NUDCD1: variants seen among roughly 807,000 people sequenced by gnomAD.
NUDCD1 encodes the protein NudC domain containing 1.
A neutral mutation model predicts 67.8 loss-of-function variants in NUDCD1; 60 were observed. That is an observed-to-expected ratio of 0.88 (90% CI 0.72 to 1.10). NUDCD1 has a LOEUF of 1.10. Among genes scored for constraint, NUDCD1 ranks in the 50% least tolerant of loss-of-function variants. NUDCD1 has a pLI of 0.00. For missense variants in NUDCD1, 643 were observed against 695.0 expected, an observed-to-expected ratio of 0.93 and a Z score of 0.84; for synonymous variants, 244 against 230.8, an observed-to-expected ratio of 1.06 and a Z score of -0.52.
intron 2 of NUDCD1, among the ~76,000 whole-genome samples, chr8:109,321,556 A>G (rs1815537765): frequency 6.6e-6 from 1 of 152,122 alleles, no homozygotes; most frequent in Non-Finnish European, 1.5e-5. Flanking sequence ...CTCCTGCAAA[A>G]AAGTAGGAAC....
chr8:109,311,556 G>GATATATATATAT (rs1563681331), intron 2 of NUDCD1, among the ~76,000 whole-genome samples: 1 of 53,974 alleles, frequency 1.9e-5, no homozygotes, highest in African/African-American at 1.3e-4. Context: ...AAGAAACTGT[G>GATATATATATAT]GTGTATATAT....
At chr8:109,267,721 T>C (rs932848933) in intron 8 of NUDCD1, among the ~76,000 whole-genome samples, 2 of 152,244 alleles carry the variant, frequency 1.3e-5, no homozygotes, top group Admixed American at 1.3e-4. Context: ...AAACAGTATG[T>C]ACAAAATACT....
In NUDCD1 at chr8:109,241,757, G is replaced by A. The variant is rs1813371104; in HGVS notation, c.*1252C>T. ...TTGAGTCAAATACTTGCCCAGACAGGCAAAAGATATGTTAGGAACAAAGCT... is the reference window on the plus strand; with the variant it reads ...TTGAGTCAAATACTTGCCCAGACAGACAAAAGATATGTTAGGAACAAAGCT... On this transcript the variant is annotated 3_prime_UTR_variant, in exon 10 of 10. Coordinates refer to ENST00000239690, the MANE Select transcript of NUDCD1 (RefSeq NM_032869.4). The A allele has an allele frequency of 8.8e-6, 2 of 227,770 alleles. No individual in the cohort carries two copies. Among genetic ancestry groups the A allele is most frequent in the Non-Finnish European group, 1.7e-5 (2 of 118,754 alleles). 14.1% of individuals were successfully genotyped at this position (227,770 alleles called of 1,614,324 possible).
chr8:109,269,458 G>C (rs1392672592), intron 8 of NUDCD1, among the ~76,000 whole-genome samples: 1 of 152,146 alleles, frequency 6.6e-6, no homozygotes, highest in Non-Finnish European at 1.5e-5. Flanking sequence ...ACTAGGAAGG[G>C]ATAGCGAGTG....
intron 1 of NUDCD1, chr8:109,329,952 A>G (rs375382949): frequency 3.4e-6 from 5 of 1,459,664 alleles, no homozygotes; most frequent in Admixed American, 2.6e-5. Context: ...ATGGCAACGC[A>G]TAATACAGAT....
chr8:109,332,408 T>A (rs1400493175), intron 1 of NUDCD1, among the ~76,000 whole-genome samples: 1 of 152,200 alleles, frequency 6.6e-6, no homozygotes, highest in African/African-American at 2.4e-5. Flanking sequence ...AAGTGTCTCT[T>A]GGTACCAACC....
rs367680818 is a variant in NUDCD1, at chr8:109,289,871, C to T, written c.703G>A (p.Ala235Thr). 6.5e-7 allele frequency: 1 copy of T among 1,549,444 alleles called. No individual in the cohort carries two copies. Among genetic ancestry groups the T allele is most frequent in the African/African-American group, 1.4e-5 (1 of 70,512 alleles). ...ILRGKSVPHY[A>T]AIEPDGNGLM... ...CCATTTCCATCAGGCTCAATAGCAG[C>T]ATAATGTGGCACTGACTTTCCACGG... The change falls in exon 5 of 10, where the codon GCT (alanine) becomes ACT (threonine). Residue 235 changes from alanine (A) to threonine (T), a missense_variant. Physicochemically the swap from Ala to Thr is moderately conservative, Grantham distance 58. Coordinates refer to ENST00000239690, the MANE Select transcript of NUDCD1 (RefSeq NM_032869.4).
chr8:109,271,577 A>T (rs1405040652), intron 7 of NUDCD1, among the ~76,000 whole-genome samples: 1 of 152,202 alleles, frequency 6.6e-6, no homozygotes, highest in Admixed American at 6.5e-5. Flanking sequence ...GACCTGTGGA[A>T]CAATATCAAA....
intron 2 of NUDCD1, among the ~76,000 whole-genome samples, chr8:109,308,950 T>C (rs377098489): frequency 7.1e-6 from 1 of 140,372 alleles, no homozygotes; most frequent in African/African-American, 2.7e-5. Flanking sequence ...CCAGCCTGGG[T>C]GACAGAGCAA....
chr8:109,318,434 A>T (rs1815454457), intron 2 of NUDCD1, among the ~76,000 whole-genome samples: 1 of 152,226 alleles, frequency 6.6e-6, no homozygotes, highest in East Asian at 1.9e-4. Flanking sequence ...AGAACTCTAC[A>T]TCAAAATCTA....
intron 3 of NUDCD1, among the ~76,000 whole-genome samples, chr8:109,295,222 G>A (rs1814814288): frequency 6.6e-6 from 1 of 152,134 alleles, no homozygotes; most frequent in South Asian, 2.1e-4. Flanking sequence ...AGCCAAGTAG[G>A]TTTGTCCTGT....
Position 109,281,002 on chromosome 8 carries a change from C to T in NUDCD1, c.994G>A (p.Glu332Lys), listed in dbSNP as rs758143882. The T allele has an allele frequency of 1.2e-6, 2 of 1,606,514 alleles. No homozygotes were observed. Among genetic ancestry groups the T allele is most frequent in the Middle Eastern group, 3.3e-4 (2 of 6,058 alleles). Residue 332 changes from glutamate (E) to lysine (K), a missense_variant, in exon 6 of 10, where the codon GAA (glutamate) becomes AAA (lysine). By Grantham distance (56) the Glu-to-Lys change is moderately conservative (BLOSUM62 1). Coordinates refer to ENST00000239690, the MANE Select transcript of NUDCD1 (RefSeq NM_032869.4). Reference protein sequence around the residue: ...EGKLYSSIDHESSTWIIKESN... With the variant: ...EGKLYSSIDHKSSTWIIKESN... ...TCTTTAATTATCCATGTACTGCTTT[C>T]ATGATCAATAGATGAATAGAGTTTT... is the stretch of plus-strand genomic sequence containing the variant.
chr8:109,315,549 AG>A (rs1815370927), intron 2 of NUDCD1: 1 of 152,090 alleles, frequency 6.6e-6, no homozygotes, highest in Admixed American at 6.6e-5. Context: ...TCTGAGCATC[AG>A]GCCCATTCAT....
At chr8:109,284,651 A>T (rs1029234195) in intron 5 of NUDCD1, among the ~76,000 whole-genome samples, 4 of 152,150 alleles carry the variant, frequency 2.6e-5, no homozygotes, top group African/African-American at 9.7e-5. Context: ...AGTATCATGG[A>T]AATTATCTGG....
Position 109,245,459 on chromosome 8 carries a change from TAC to T in NUDCD1, c.1320_1321del (p.Tyr441ProfsTer9). ...AGGATCCACTATGACAGAGAAAAGG[TAC>T]TGGTTGCTTCCAAGATTCACCTAAA... is the stretch of plus-strand genomic sequence containing the variant. On this transcript the variant is annotated frameshift_variant, in exon 9 of 10. Coordinates refer to ENST00000239690, the MANE Select transcript of NUDCD1 (RefSeq NM_032869.4). LOFTEE classifies it high-confidence loss of function. 6.2e-7 allele frequency: 1 copy of T among 1,608,796 alleles called. No homozygotes were observed.
chr8:109,250,046 C>T (rs962380620), intron 8 of NUDCD1, among the ~76,000 whole-genome samples: 1 of 151,858 alleles, frequency 6.6e-6, no homozygotes, highest in Non-Finnish European at 1.5e-5. Context: ...AGGGGTCTCA[C>T]TATGTTGCCC....
chr8:109,316,433 CA>C (rs1487730333), intron 2 of NUDCD1: 6 of 152,128 alleles, frequency 3.9e-5, no homozygotes, highest in Admixed American at 2.6e-4. Context: ...TACAACAGTT[CA>C]GGTTTAACAA....
chr8:109,303,233 G>A (rs950316294), intron 2 of NUDCD1, among the ~76,000 whole-genome samples: 3 of 152,196 alleles, frequency 2.0e-5, no homozygotes, highest in African/African-American at 7.2e-5. Context: ...TCTGGCCCAA[G>A]GCTCTCTGAC....
Position 109,281,055 on chromosome 8 carries a change from A to G in NUDCD1, c.941T>C (p.Val314Ala), listed in dbSNP as rs1322161635. 2.5e-6 allele frequency: 4 copies of G among 1,612,298 alleles called. No individual in the cohort carries two copies. The highest frequency in any genetic ancestry group is 2.7e-5 in the African/African-American group (2 of 74,894). ...TTCTAAAAACTGGTGATCCTTCAGT[A>G]CAATGTTGATGTGATCAGGCAAAAA... ...IQFLPDHINI[V>A]LKDHQFLEGK... Residue 314 changes from valine (V) to alanine (A), a missense_variant, in exon 6 of 10, where the codon GTA (valine) becomes GCA (alanine). Coordinates refer to ENST00000239690, the MANE Select transcript of NUDCD1 (RefSeq NM_032869.4).
Sources: allele counts gnomAD v4.1 joint callset (sites outside exome capture counted in the v4.1 genomes callset), GRCh38; gene constraint gnomAD v4.1.1; transcripts MANE v1.5; gene names NCBI Gene and HGNC (gene_info 2026-07-23, HGNC 2026-07-21).